The following FOXJ3 variants were observed in gnomAD, a reference collection of about 807,000 sequenced individuals.
FOXJ3 encodes forkhead box J3.
In FOXJ3, 22 loss-of-function variants were observed where a neutral mutation model predicts 76.1. The observed-to-expected ratio is 0.29, with a 90% CI of 0.21 to 0.41. The LOEUF is 0.41. Among genes scored for constraint, FOXJ3 ranks in the 10% least tolerant of loss-of-function variants. FOXJ3 has a pLI of 1.00. For synonymous variants in FOXJ3, 269 were observed against 261.2 expected (o/e 1.03, Z -0.29); for missense variants, 613 against 762.1 (o/e 0.80, Z 2.30).
At position 42,278,053 on chromosome 1, in the gene FOXJ3, T is replaced by C. The variant is rs932553866; in HGVS notation, c.369+295A>G. Among the ~76,000 whole-genome samples, 4 of 152,082 alleles carry C rather than the reference T, an allele frequency of 2.6e-5. No individual in the cohort carries two copies. The South Asian group carries it at 8.3e-4, about 32-fold the overall frequency. The stretch of plus-strand genomic sequence containing the variant: ...GTTGCAATACTACGTTGTTTTTCAC[T>C]TTAGGCTCACTGTCAACTCACCTGA... On this transcript the variant is annotated intron_variant, in intron 3 of 12. Coordinates refer to ENST00000361346, the MANE Select transcript of FOXJ3 (RefSeq NM_014947.5).
chr1:42,260,359 A>G (rs1445845338), intron 4 of FOXJ3, among the ~76,000 whole-genome samples: 1 of 152,176 alleles, frequency 6.6e-6, no homozygotes. Context: ...AAGATCAGTC[A>G]ACTATGTTAT....
chr1:42,330,568 G>A (rs769918695), intron 1 of FOXJ3, among the ~76,000 whole-genome samples: 10 of 152,086 alleles, frequency 6.6e-5, no homozygotes, highest in Non-Finnish European at 1.2e-4. Context: ...GGCCCAGGAG[G>A]TTGAGGTTGC....
chr1:42,221,950 TAA>T lies in FOXJ3; in HGVS notation c.528+5931_528+5932del, dbSNP rs35308694. ...AAATGTAGCAAGACCCTGTCTCTATTAAAAAAAAAAAAAAAAGAAGAAGGGGG... is the reference window on the plus strand; with the variant it reads ...AAATGTAGCAAGACCCTGTCTCTATTAAAAAAAAAAAAAAGAAGAAGGGGG... On this transcript the variant is annotated intron_variant, in intron 5 of 12. Coordinates refer to ENST00000361346, the MANE Select transcript of FOXJ3 (RefSeq NM_014947.5). Among the ~76,000 whole-genome samples, 56 of 12,506 alleles carry T rather than the reference TAA, an allele frequency of 4.5e-3. 1 individual carries two copies. The highest frequency in any genetic ancestry group is 0.043 in the East Asian group (16 of 372). The allele number at this position is 12,506 out of a possible 152,430, so 8.2% of individuals were successfully genotyped here.
chr1:42,191,627 G>A lies in FOXJ3; in HGVS notation c.1027C>T (p.His343Tyr). 2 of 1,614,202 alleles carry A rather than the reference G, an allele frequency of 1.2e-6. No homozygotes were observed. The highest frequency in any genetic ancestry group is 8.5e-7 in the Non-Finnish European group (1 of 1,180,042). Reference protein sequence around the residue: ...SPSSTVSTHPHSNQSSLSNSH... With the variant: ...SPSSTVSTHPYSNQSSLSNSH... Reference sequence around the variant, plus strand: ...TTGGACAGGCTGCTTTGGTTGCTGTGTGGGTGAGTGCTCACTGTACTGCTG... The same window carrying A: ...TTGGACAGGCTGCTTTGGTTGCTGTATGGGTGAGTGCTCACTGTACTGCTG... Residue 343 changes from histidine (H) to tyrosine (Y), a missense_variant, in exon 9 of 13, where the codon CAC becomes TAC. Around this residue, in one of 3 missense-constraint regions of FOXJ3, gnomAD observed 526 missense variants for 601.4 expected, o/e 0.87. Coordinates refer to ENST00000361346, the MANE Select transcript of FOXJ3 (RefSeq NM_014947.5).
intron 4 of FOXJ3, among the ~76,000 whole-genome samples, chr1:42,245,079 T>C (rs1022984967): frequency 4.7e-4 from 71 of 150,864 alleles, no homozygotes; most frequent in Non-Finnish European, 2.7e-4. Context: ...ACTCAGAAGG[T>C]TGAGGCAGGA....
rs974982619 is a variant in FOXJ3 at position 42,179,477 on chromosome 1, A to G, written c.*233T>C. 1.3e-5 allele frequency: 4 copies of G among 312,174 alleles called. No individual in the cohort carries two copies. The highest frequency in any genetic ancestry group is 8.6e-5 in the African/African-American group (4 of 46,682). The allele number at this position is 312,174 out of a possible 1,614,324, so 19.3% of individuals were successfully genotyped here. A position where few individuals can be genotyped will look rare whatever the true frequency, so the allele number is the denominator to read the frequency against. On this transcript the variant is annotated 3_prime_UTR_variant, in exon 13 of 13. Transcript: ENST00000361346. ...CAAAAAGCCGTCCAAATCACACAAC[A>G]GTTAGGAGCTACATAGGGCAGCTGG...
chr1:42,311,656 T>TAGTAGTAGTAGC (rs1198961843), intron 1 of FOXJ3, among the ~76,000 whole-genome samples: 2 of 151,790 alleles, frequency 1.3e-5, no homozygotes, highest in South Asian at 2.1e-4. Flanking sequence ...AAAAAAGTAG[T>TAGTAGTAGTAGC]AGTAGTAGTA....
At chr1:42,305,154 TG>T (rs1654380351) in intron 2 of FOXJ3, among the ~76,000 whole-genome samples, 1 of 152,212 alleles carries the variant, frequency 6.6e-6, no homozygotes, top group Admixed American at 6.5e-5. Context: ...TCAATGTCAC[TG>T]ATCATCAGGG....
chr1:42,183,313 G>C (rs1373051921), intron 11 of FOXJ3, among the ~76,000 whole-genome samples: 12 of 4,388 alleles, frequency 2.7e-3, no homozygotes, highest in African/African-American at 6.9e-3. Context: ...CGGGGTGGGG[G>C]AGGGGAGGGG....
intron 2 of FOXJ3, among the ~76,000 whole-genome samples, chr1:42,286,452 C>T (rs947240140): frequency 3.9e-5 from 6 of 152,150 alleles, no homozygotes; most frequent in African/African-American, 7.2e-5. Flanking sequence ...AATTAACCTC[C>T]TTATGTCTCA....
At chr1:42,247,310 G>C (rs1337566083) in intron 4 of FOXJ3, among the ~76,000 whole-genome samples, 1 of 151,818 alleles carries the variant, frequency 6.6e-6, no homozygotes, top group Non-Finnish European at 1.5e-5. Context: ...CAATTAAAAA[G>C]TTTTAAAAAA....
chr1:42,263,284 G>T (rs12144689), intron 4 of FOXJ3, among the ~76,000 whole-genome samples: 6,516 of 152,096 alleles, frequency 0.043, 293 homozygotes, highest in East Asian at 0.15. Flanking sequence ...GCATTCATGT[G>T]TACTGATTTT....
At chr1:42,213,874 C>T (rs1268771066) in intron 5 of FOXJ3, among the ~76,000 whole-genome samples, 1 of 152,120 alleles carries the variant, frequency 6.6e-6, no homozygotes, top group Non-Finnish European at 1.5e-5. Flanking sequence ...CCAATGACTA[C>T]AGTTAATAAT....
intron 1 of FOXJ3, among the ~76,000 whole-genome samples, chr1:42,324,145 AC>A (rs1655657305): frequency 7.0e-6 from 1 of 141,894 alleles, no homozygotes; most frequent in African/African-American, 2.6e-5. Flanking sequence ...CAGTATATAT[AC>A]TATATATACA....
intron 2 of FOXJ3, among the ~76,000 whole-genome samples, chr1:42,300,595 G>C (rs1654077237): frequency 6.6e-6 from 1 of 152,054 alleles, no homozygotes; most frequent in Non-Finnish European, 1.5e-5. Flanking sequence ...GAGCAACACA[G>C]CAAAACCTTG....
chr1:42,238,630 C>T (rs1045546314), intron 4 of FOXJ3, among the ~76,000 whole-genome samples: 5 of 152,144 alleles, frequency 3.3e-5, no homozygotes, highest in African/African-American at 1.2e-4. Context: ...ACAATCATGG[C>T]TCACTGCAGC....
intron 8 of FOXJ3, among the ~76,000 whole-genome samples, chr1:42,194,344 T>A (rs543366396): frequency 6.6e-6 from 1 of 152,362 alleles, no homozygotes; most frequent in East Asian, 1.9e-4. Context: ...TGCAACAGTG[T>A]ATCTCAACTA....
At chr1:42,332,816 G>T (rs1486309253) in intron 1 of FOXJ3, among the ~76,000 whole-genome samples, 1 of 152,050 alleles carries the variant, frequency 6.6e-6, no homozygotes, top group Non-Finnish European at 1.5e-5. Flanking sequence ...TCACTCTCCT[G>T]AAATACACCT....
At chr1:42,333,431 A>C (rs767534379) in intron 1 of FOXJ3, among the ~76,000 whole-genome samples, 24 of 152,308 alleles carry the variant, frequency 1.6e-4, no homozygotes, top group Non-Finnish European at 2.4e-4. Flanking sequence ...TAATGAAAGC[A>C]TGAGAAACTT....
Sources: gnomAD v4.1 joint callset for allele counts (sites outside exome capture counted in the v4.1 genomes callset) on GRCh38, gnomAD v4.1.1 for gene constraint, gnomAD v4.1.1 regional missense constraint, MANE v1.5 for transcripts, NCBI Gene and HGNC (gene_info 2026-07-23, HGNC 2026-07-21) for gene names.